DNAJC1: variants seen among roughly 807,000 people sequenced by gnomAD.
The protein encoded by DNAJC1 is DnaJ heat shock protein family (Hsp40) member C1.
A neutral mutation model predicts 76.6 loss-of-function variants in DNAJC1; 58 were observed. The observed-to-expected ratio is 0.76, with a 90% CI of 0.61 to 0.94. The LOEUF (loss-of-function observed/expected upper bound fraction) is 0.94. Ranked by LOEUF, DNAJC1 falls within the 40% of genes least tolerant of loss-of-function variation. The pLI is 0.00. For missense variants in DNAJC1, 689 were observed against 677.3 expected (o/e 1.02, Z -0.19); for synonymous variants, 258 against 267.9 (o/e 0.96, Z 0.36).
At chr10:21,779,472 C>A (rs1834498970) in intron 9 of DNAJC1, among the ~76,000 whole-genome samples, 1 of 152,168 alleles carries the variant, frequency 6.6e-6, no homozygotes, top group South Asian at 2.1e-4. Flanking sequence ...GCTGGTGATA[C>A]CCAGGCAAAC....
At position 21,818,281 on chromosome 10, in the gene DNAJC1, G is replaced by A. The variant is rs187572632; in HGVS notation, c.979-12182C>T. ...GAAATAAGCCCCAGTCTCCCATAGC[G>A]CTCCCAGGCTTATCAGGACAAGGAA... On this transcript the variant is annotated intron_variant, in intron 8 of 11. Coordinates refer to ENST00000376980, the MANE Select transcript of DNAJC1 (RefSeq NM_022365.4). Among the ~76,000 whole-genome samples the A allele has an allele frequency of 6.3e-3, 953 of 152,202 alleles. 6 individuals are homozygous for A. The highest frequency in any genetic ancestry group is 0.017 in the Admixed American group (254 of 15,290).
At chr10:21,992,015 C>T (rs1838332532) in intron 1 of DNAJC1, among the ~76,000 whole-genome samples, 1 of 152,156 alleles carries the variant, frequency 6.6e-6, no homozygotes, top group East Asian at 1.9e-4. Flanking sequence ...TGAAATACTT[C>T]ATTAATAATT....
intron 9 of DNAJC1, among the ~76,000 whole-genome samples, chr10:21,796,899 C>T (rs1447271789): frequency 6.6e-6 from 1 of 152,126 alleles, no homozygotes; most frequent in Non-Finnish European, 1.5e-5. Flanking sequence ...CATGGTTTGT[C>T]TCTTCACTCT....
At chr10:21,958,717 C>T (rs545081776) in intron 1 of DNAJC1, among the ~76,000 whole-genome samples, 53 of 151,982 alleles carry the variant, frequency 3.5e-4, no homozygotes, top group Non-Finnish European at 6.9e-4. Flanking sequence ...TGAGCCACCG[C>T]GCCTGGCCCA....
At chr10:21,773,947 C>T (rs1834422450) in intron 9 of DNAJC1, among the ~76,000 whole-genome samples, 1 of 151,118 alleles carries the variant, frequency 6.6e-6, no homozygotes, top group Admixed American at 6.6e-5. Flanking sequence ...CGAGACCATC[C>T]CGGCTAAAAC....
intron 8 of DNAJC1, among the ~76,000 whole-genome samples, chr10:21,822,336 G>T (rs1397234373): frequency 6.6e-6 from 1 of 152,080 alleles, no homozygotes; most frequent in Non-Finnish European, 1.5e-5. Context: ...CTACACAGGA[G>T]GCTGAGGCAG....
At chr10:21,770,130 GTTCAA>G (rs1330725179) in intron 9 of DNAJC1, among the ~76,000 whole-genome samples, 2 of 152,092 alleles carry the variant, frequency 1.3e-5, no homozygotes, top group African/African-American at 4.8e-5. Context: ...TTGCTTCACA[GTTCAA>G]TTCCATTTGT....
chr10:21,842,881 T>C (rs1281408038), intron 8 of DNAJC1, among the ~76,000 whole-genome samples: 1 of 152,232 alleles, frequency 6.6e-6, no homozygotes, highest in African/African-American at 2.4e-5. Flanking sequence ...TCTCTAGTGA[T>C]AATATAAACT....
At chr10:21,951,172 T>C (rs1456770829) in intron 1 of DNAJC1, among the ~76,000 whole-genome samples, 1 of 152,002 alleles carries the variant, frequency 6.6e-6, no homozygotes, top group Non-Finnish European at 1.5e-5. Flanking sequence ...ATGCAAAAAT[T>C]AGCAGGGCGT....
intron 8 of DNAJC1, among the ~76,000 whole-genome samples, chr10:21,838,666 C>G (rs1038481735): frequency 2.0e-5 from 3 of 152,032 alleles, no homozygotes; most frequent in Admixed American, 1.3e-4. Flanking sequence ...CTTTAGCACC[C>G]CACTGTCAAC....
intron 9 of DNAJC1, among the ~76,000 whole-genome samples, chr10:21,788,620 G>C (rs1254805551): frequency 6.6e-6 from 1 of 152,092 alleles, no homozygotes; most frequent in Non-Finnish European, 1.5e-5. Context: ...GCCATTCTGG[G>C]CTACTTGCTG....
At chr10:21,840,503 T>C (rs1715192147) in intron 8 of DNAJC1, among the ~76,000 whole-genome samples, 1 of 152,136 alleles carries the variant, frequency 6.6e-6, no homozygotes, top group Admixed American at 6.5e-5. Context: ...CCATTCACAA[T>C]TGCTTCAAAG....
intron 8 of DNAJC1, among the ~76,000 whole-genome samples, chr10:21,839,964 T>A (rs548464684): frequency 6.6e-6 from 1 of 152,178 alleles, no homozygotes; most frequent in East Asian, 1.9e-4. Flanking sequence ...AATCAATAAA[T>A]GTAATCCAAC....
chr10:21,782,770 C>G (rs1288967217), intron 9 of DNAJC1, among the ~76,000 whole-genome samples: 1 of 152,118 alleles, frequency 6.6e-6, no homozygotes, highest in East Asian at 1.9e-4. Flanking sequence ...TAAACGTAAT[C>G]CATCATATAA....
intron 1 of DNAJC1, among the ~76,000 whole-genome samples, chr10:21,936,598 C>T (rs1007193235): frequency 3.3e-5 from 5 of 152,194 alleles, no homozygotes; most frequent in African/African-American, 1.2e-4. Context: ...ACAGTGCTTG[C>T]TATAGGAGCA....
chr10:21,770,433 T>C (rs1186769759), intron 9 of DNAJC1, among the ~76,000 whole-genome samples: 1 of 148,782 alleles, frequency 6.7e-6, no homozygotes, highest in Non-Finnish European at 1.5e-5. Flanking sequence ...AGTCTAGCTC[T>C]GTCGCCCAGG....
At chr10:21,833,798 G>C (rs1005453844) in intron 8 of DNAJC1, among the ~76,000 whole-genome samples, 15 of 152,116 alleles carry the variant, frequency 9.9e-5, no homozygotes, top group Admixed American at 4.6e-4. Context: ...TCCACCAGCA[G>C]ATAGATGGCA....
At chr10:21,966,133 G>T (rs1295856500) in intron 1 of DNAJC1, among the ~76,000 whole-genome samples, 1 of 152,076 alleles carries the variant, frequency 6.6e-6, no homozygotes, top group African/African-American at 2.4e-5. Flanking sequence ...TTAAATTTAG[G>T]TTACGCTTTT....
intron 8 of DNAJC1, among the ~76,000 whole-genome samples, chr10:21,828,178 A>G (rs1835293865): frequency 6.6e-6 from 1 of 152,230 alleles, no homozygotes; most frequent in East Asian, 1.9e-4. Flanking sequence ...ATAAAACAAT[A>G]AGCAATGTAT....
Sources: gnomAD v4.1 joint callset for allele counts (sites outside exome capture counted in the v4.1 genomes callset) on GRCh38, gnomAD v4.1.1 for gene constraint, MANE v1.5 for transcripts, NCBI Gene and HGNC (gene_info 2026-07-23, HGNC 2026-07-21) for gene names.